MAP1A: variants seen among roughly 807,000 people sequenced by gnomAD.
MAP1A encodes the protein microtubule-associated protein 1A.
A neutral mutation model predicts 185.9 loss-of-function variants in MAP1A; 42 were observed. The observed-to-expected ratio is 0.23, with a 90% CI of 0.18 to 0.29. The LOEUF is 0.29. Among genes scored for constraint, MAP1A ranks in the 10% least tolerant of loss-of-function variants. The pLI is 1.00. For missense variants in MAP1A, 2,995 were observed against 3,450.4 expected, an observed-to-expected ratio of 0.87 and a Z score of 3.31; for synonymous variants, 1,229 against 1,335.9, an observed-to-expected ratio of 0.92 and a Z score of 1.74.
chr15:43,527,079 A>G lies in MAP1A; in HGVS notation c.5606A>G (p.Glu1869Gly), dbSNP rs1060949. ...PAPGPPTPAP[E>G]SHTPAPFSWG... is the part of the protein sequence containing the mutation. ...CCTGGTCCCCCCACACCTGCCCCGG[A>G]ATCCCATACTCCTGCACCCTTCTCT... Residue 1869 changes from glutamate to glycine, a missense_variant, in exon 4 of 6, where the codon GAA becomes GGA. Coordinates refer to ENST00000300231, the MANE Select transcript of MAP1A (RefSeq NM_002373.6). 1 of 1,561,988 alleles carries G rather than the reference A, an allele frequency of 6.4e-7. No individual in the cohort carries two copies. The highest frequency in any genetic ancestry group is 1.7e-5 in the Admixed American group (1 of 57,306).
exon 1 of MAP1A, chr15:43,511,038 C>G: frequency 1.9e-6 from 3 of 1,548,754 alleles, no homozygotes; most frequent in Non-Finnish European, 2.6e-6. Context: ...GCCATGGAGA[C>G]AACTCCGGGG....
rs1156999517 is a variant in MAP1A at position 43,526,920 on chromosome 15, AAG to A, written c.5452_5453del (p.Pro1819TyrfsTer5). On this transcript the variant is annotated frameshift_variant, in exon 4 of 6. Coordinates refer to ENST00000300231, the MANE Select transcript of MAP1A (RefSeq NM_002373.6). LOFTEE classifies it high-confidence loss of function. This position sits in a 1 kb window ranked among gnomAD's most constrained non-coding sequence, Gnocchi z 4.7. ...CAAAGGGTTCCTTCAGCCCCAGGAC[AAG>A]AGAGTCCTATCCCAGACCCTAAGCT... 6.2e-7 allele frequency: 1 copy of A among 1,613,950 alleles called. No individual in the cohort carries two copies. Among genetic ancestry groups the A allele is most frequent in the Non-Finnish European group, 8.5e-7 (1 of 1,179,988 alleles).
In MAP1A at chr15:43,521,902, G is replaced by A; in HGVS notation, c.429G>A (p.Leu143=). The part of the protein sequence containing the change: ...GVVFFNVPEK[L]RLPDASRKAK... Reference sequence around the variant, plus strand: ...TCTTTTTCAACGTGCCTGAGAAGCTGCGGCTTCCTGATGCCTCCCGGAAAG... The same window carrying A: ...TCTTTTTCAACGTGCCTGAGAAGCTACGGCTTCCTGATGCCTCCCGGAAAG... Residue 143 remains leucine, a synonymous_variant, in exon 4 of 6, where the codon CTG becomes CTA. Transcript: ENST00000300231. This position sits in a 1 kb window ranked among gnomAD's most constrained non-coding sequence, Gnocchi z 4.6. 1 of 1,614,166 alleles carries A rather than the reference G, an allele frequency of 6.2e-7. No individual in the cohort carries two copies. Among genetic ancestry groups the A allele is most frequent in the Non-Finnish European group, 8.5e-7 (1 of 1,180,020 alleles).
chr15:43,511,902 G>A (rs551361544), intron 1 of MAP1A, among the ~76,000 whole-genome samples: 84 of 152,320 alleles, frequency 5.5e-4, no homozygotes, highest in Admixed American at 9.8e-4. Context: ...CACCACAACT[G>A]GGGAACCTTA....
chr15:43,522,274 T>C lies in MAP1A; in HGVS notation c.801T>C (p.Phe267=), dbSNP rs758615612. 6.2e-7 allele frequency: 1 copy of C among 1,614,134 alleles called. No individual in the cohort carries two copies. Among genetic ancestry groups the C allele is most frequent in the South Asian group, 1.1e-5 (1 of 91,076 alleles). ...CTGAGAAGATTGTGCGTGTGCTTTT[T>C]CCAGGAAATGCTCCCCAAAACAAGA... ...NPTEKIVRVL[F]PGNAPQNKIL... Residue 267 remains phenylalanine, a synonymous_variant, in exon 4 of 6, where the codon TTT becomes TTC. Coordinates refer to ENST00000300231, the MANE Select transcript of MAP1A (RefSeq NM_002373.6). This position sits in a 1 kb window ranked among gnomAD's most constrained non-coding sequence, Gnocchi z 5.9.
chr15:43,512,241 T>G, exon 2 of MAP1A: 1 of 1,550,328 alleles, frequency 6.5e-7, no homozygotes, highest in Admixed American at 2.0e-5. Flanking sequence ...AACCAACAGT[T>G]GAGACTCTTC....
chr15:43,520,166 G>T (rs2079313764), intron 1 of MAP1A, among the ~76,000 whole-genome samples: 1 of 152,144 alleles, frequency 6.6e-6, no homozygotes, highest in Non-Finnish European at 1.5e-5. Flanking sequence ...CCACACAGAA[G>T]CTCCTATTTC....
At chr15:43,519,491 T>G (rs1379088098) in intron 1 of MAP1A, among the ~76,000 whole-genome samples, 1 of 152,218 alleles carries the variant, frequency 6.6e-6, no homozygotes, top group East Asian at 1.9e-4. Context: ...GGACAAATTA[T>G]GGACCCTCCC....
In MAP1A at chr15:43,520,651, C is replaced by A. The variant is rs1461415021; in HGVS notation, c.-364C>A. 3 of 1,546,264 alleles carry A rather than the reference C, an allele frequency of 1.9e-6. No homozygotes were observed. Among genetic ancestry groups the A allele is most frequent in the African/African-American group, 1.4e-5 (1 of 73,062 alleles). Reference sequence around the variant, plus strand: ...ACATCTCTCCCTCAGGCCAGAGGACCCTTTGCCACCAGAGTGAGATCCTAG... The same window carrying A: ...ACATCTCTCCCTCAGGCCAGAGGACACTTTGCCACCAGAGTGAGATCCTAG... On this transcript the variant is annotated 5_prime_UTR_variant, in exon 2 of 6. Coordinates refer to ENST00000300231, the MANE Select transcript of MAP1A (RefSeq NM_002373.6).
upstream of MAP1A, among the ~76,000 whole-genome samples, chr15:43,512,744 G>T (rs184818060): frequency 1.1e-3 from 171 of 152,240 alleles, 1 homozygote; most frequent in African/African-American, 3.9e-3. Flanking sequence ...AGGGTTTCTG[G>T]TTCCTGCTTC....
exon 1 of MAP1A, chr15:43,511,220 G>C: frequency 6.5e-7 from 1 of 1,550,112 alleles, no homozygotes; most frequent in African/African-American, 1.4e-5. Context: ...GGCCCACCTT[G>C]AACAAGGTGA....
At chr15:43,520,527 T>C (rs374529848) in intron 1 of MAP1A, 114 bp from the exon 2 acceptor site, 4 of 743,758 alleles carry the variant, frequency 5.4e-6, no homozygotes, top group East Asian at 2.7e-5. Context: ...TGGCAGGGCC[T>C]AAGGATACCT....
rs765437057 is a variant in MAP1A, at chr15:43,528,363, C to T, written c.6890C>T (p.Ala2297Val). ...CTGGACCCAGGAATGGAACCAGCTG[C>T]CCACAGCCTCTGGGACCTCACTCCT... ...GELDPGMEPAAHSLWDLTPLS... is the reference protein window; with the variant it reads ...GELDPGMEPAVHSLWDLTPLS... The change falls in exon 4 of 6, where the codon GCC becomes GTC. Residue 2297 changes from alanine (A) to valine (V), a missense_variant. Coordinates refer to ENST00000300231, the MANE Select transcript of MAP1A (RefSeq NM_002373.6). 1 of 1,614,032 alleles carries T rather than the reference C, an allele frequency of 6.2e-7. No individual in the cohort carries two copies. The highest frequency in any genetic ancestry group is 1.1e-5 in the South Asian group (1 of 91,086).
chr15:43,512,324 G>A, intron 2 of MAP1A: 1 of 1,424,288 alleles, frequency 7.0e-7, no homozygotes, highest in Non-Finnish European at 9.7e-7. Context: ...AGTCCTTTGG[G>A]TAAGAGCTGG....
intron 1 of MAP1A, chr15:43,511,295 A>C (rs1595642823): frequency 5.1e-6 from 6 of 1,183,802 alleles, no homozygotes; most frequent in African/African-American, 1.5e-5. Flanking sequence ...GCATTCAACT[A>C]CCAATGCATA....
At position 43,530,158 on chromosome 15, in the gene MAP1A, C is replaced by T; in HGVS notation, c.8346C>T (p.Val2782=). 6.2e-7 allele frequency: 1 copy of T among 1,614,202 alleles called. No homozygotes were observed. The highest frequency in any genetic ancestry group is 1.7e-5 in the Admixed American group (1 of 60,026). The change falls in exon 6 of 6, where the codon GTC becomes GTT. Residue 2782 remains valine, a synonymous_variant. Coordinates refer to ENST00000300231, the MANE Select transcript of MAP1A (RefSeq NM_002373.6). ...AGCAGCAACAACTGAATGTCCTGGTCCTGGCTAGCAGCAGCACCGTGGTGA... is the reference window on the plus strand; with the variant it reads ...AGCAGCAACAACTGAATGTCCTGGTTCTGGCTAGCAGCAGCACCGTGGTGA... ...HEQQQQLNVL[V]LASSSTVVMQ...
Position 43,526,583 on chromosome 15 carries a change from C to T in MAP1A, c.5110C>T (p.Arg1704Trp), listed in dbSNP as rs1294845793. Reference protein sequence around the residue: ...DTYWRELSCERKVWFPHELDG... With the variant: ...DTYWRELSCEWKVWFPHELDG... ...ATACTGGAGGGAGCTAAGCTGTGAG[C>T]GGAAGGTCTGGTTCCCTCACGAGCT... The change falls in exon 4 of 6, where the codon CGG (arginine) becomes TGG (tryptophan). Residue 1704 changes from arginine to tryptophan, a missense_variant. Coordinates refer to ENST00000300231, the MANE Select transcript of MAP1A (RefSeq NM_002373.6). This position sits in a 1 kb window ranked among gnomAD's most constrained non-coding sequence, Gnocchi z 4.7. 7 of 1,614,110 alleles carry T rather than the reference C, an allele frequency of 4.3e-6. No homozygotes were observed. Among genetic ancestry groups the T allele is most frequent in the Non-Finnish European group, 5.1e-6 (6 of 1,180,022 alleles).
chr15:43,521,711 G>C lies in MAP1A; in HGVS notation c.238G>C (p.Asp80His). The change falls in exon 4 of 6, where the codon GAC (aspartate) becomes CAC (histidine). Residue 80 changes from aspartate (D) to histidine (H), a missense_variant. Asp to His is a moderately conservative substitution (Grantham distance 81). Coordinates refer to ENST00000300231, the MANE Select transcript of MAP1A (RefSeq NM_002373.6). The surrounding 1 kb of genome is among the most constrained non-coding windows in gnomAD (Gnocchi z 4.6). ...TTTTTGGAAGCTGGTACGGCACTTG[G>C]ACCGCATTGACTCGGTGCTACTCAC... Reference protein sequence around the residue: ...SCFWKLVRHLDRIDSVLLTHI... With the variant: ...SCFWKLVRHLHRIDSVLLTHI... 1.2e-6 allele frequency: 2 copies of C among 1,614,176 alleles called. No homozygotes were observed. The highest frequency in any genetic ancestry group is 1.7e-6 in the Non-Finnish European group (2 of 1,180,046).
In MAP1A at chr15:43,521,569, C is replaced by T. The variant is rs1595646857; in HGVS notation, c.96C>T (p.Phe32=). The T allele has an allele frequency of 6.2e-7, 1 of 1,614,052 alleles. No homozygotes were observed. The highest frequency in any genetic ancestry group is 1.3e-5 in the African/African-American group (1 of 74,948). ...DLLEPPTSGG[F]LKLSKPCCYI... is the part of the protein sequence containing the mutation. ...TAGAGCCCCCCACCTCAGGGGGCTT[C>T]CTCAAGCTCTCCAAGCCTTGTTGCT... The change falls in exon 4 of 6, where the codon TTC becomes TTT. Residue 32 remains phenylalanine, a synonymous_variant. Transcript: ENST00000300231. The surrounding 1 kb of genome is among the most constrained non-coding windows in gnomAD (Gnocchi z 4.6).
Sources: gnomAD v4.1 joint callset for allele counts (sites outside exome capture counted in the v4.1 genomes callset) on GRCh38, gnomAD v4.1.1 for gene constraint, Gnocchi (gnomAD v3.1) non-coding constraint, MANE v1.5 for transcripts, NCBI Gene and HGNC (gene_info 2026-07-23, HGNC 2026-07-21) for gene names.